Variants in COMMD1 observed in about 807,000 individuals in gnomAD.
COMMD1 encodes COMM domain-containing protein 1.
COMMD1 carries 10 observed loss-of-function variants against 17.2 expected under a neutral mutation model. The ratio of observed to expected loss-of-function variants is 0.58; its 90% CI spans 0.36 to 0.99. The LOEUF (loss-of-function observed/expected upper bound fraction) is 0.99. Ranked by LOEUF, COMMD1 falls within the 50% of genes least tolerant of loss-of-function variation. COMMD1 has a pLI of 0.01. For missense variants in COMMD1, 270 were observed against 231.8 expected, an observed-to-expected ratio of 1.17 and a Z score of -1.07; for synonymous variants, 97 against 91.6, an observed-to-expected ratio of 1.06 and a Z score of -0.34.
At chr2:61,896,835 T>TG (rs1669559648) in intron 1 of COMMD1, among the ~76,000 whole-genome samples, 1 of 150,460 alleles carries the variant, frequency 6.6e-6, no homozygotes, top group Admixed American at 6.6e-5. Context: ...TTTTTTTTTT[T>TG]GTTTTTTTTA....
chr2:61,966,379 G>A (rs142423592), intron 1 of COMMD1, among the ~76,000 whole-genome samples: 1,547 of 152,200 alleles, frequency 0.01, 66 homozygotes, highest in Admixed American at 0.07. Flanking sequence ...TTTTACTTAC[G>A]AAACCAAATA....
chr2:62,071,475 T>C (rs1359668552), intron 2 of COMMD1, among the ~76,000 whole-genome samples: 1 of 152,092 alleles, frequency 6.6e-6, no homozygotes, highest in Non-Finnish European at 1.5e-5. Flanking sequence ...TAACAATGCC[T>C]TAACTTCCTA....
At chr2:62,101,738 T>C (rs977852438) in intron 2 of COMMD1, among the ~76,000 whole-genome samples, 3 of 152,124 alleles carry the variant, frequency 2.0e-5, no homozygotes, top group African/African-American at 7.2e-5. Context: ...GAAGTAAAGT[T>C]CTTTACTTAC....
intron 1 of COMMD1, among the ~76,000 whole-genome samples, chr2:61,958,371 A>G (rs1671249836): frequency 6.6e-6 from 1 of 151,026 alleles, no homozygotes. Context: ...GGTTCAAGCT[A>G]TTCTCCTGCC....
chr2:61,934,187 A>G (rs1215669245), intron 1 of COMMD1, among the ~76,000 whole-genome samples: 1 of 152,140 alleles, frequency 6.6e-6, no homozygotes, highest in Non-Finnish European at 1.5e-5. Context: ...GGAATGTGAG[A>G]GGTAGTACAG....
chr2:62,038,993 T>A (rs1353387339), intron 2 of COMMD1, among the ~76,000 whole-genome samples: 2 of 152,260 alleles, frequency 1.3e-5, no homozygotes, highest in Non-Finnish European at 2.9e-5. Flanking sequence ...GATTTTCTTT[T>A]ACAGTTTCTA....
chr2:62,051,712 C>T (rs973803472), intron 2 of COMMD1, among the ~76,000 whole-genome samples: 4 of 152,148 alleles, frequency 2.6e-5, no homozygotes, highest in Admixed American at 6.6e-5. Flanking sequence ...ATATCATAAT[C>T]GGTTCCATTG....
At chr2:61,931,861 C>G (rs769634592) in intron 1 of COMMD1, among the ~76,000 whole-genome samples, 1 of 152,234 alleles carries the variant, frequency 6.6e-6, no homozygotes, top group South Asian at 2.1e-4. Flanking sequence ...TGTTAGTTTC[C>G]GTTAGGAAAG....
At chr2:62,044,065 C>T (rs974538272) in intron 2 of COMMD1, among the ~76,000 whole-genome samples, 3 of 152,088 alleles carry the variant, frequency 2.0e-5, no homozygotes, top group Non-Finnish European at 2.9e-5. Flanking sequence ...TTATACTTTG[C>T]TGTTTTCATG....
chr2:61,933,393 G>A (rs924939186), intron 1 of COMMD1, among the ~76,000 whole-genome samples: 2 of 151,904 alleles, frequency 1.3e-5, no homozygotes, highest in Admixed American at 6.6e-5. Context: ...GGTGTGGGGG[G>A]TAAGGACGTG....
At chr2:61,914,878 C>A (rs929926491) in intron 1 of COMMD1, among the ~76,000 whole-genome samples, 1 of 151,544 alleles carries the variant, frequency 6.6e-6, no homozygotes, top group African/African-American at 2.4e-5. Flanking sequence ...TTTGTTGAGA[C>A]AGGGTTTCAC....
At chr2:61,981,789 C>G (rs1671960844) in intron 1 of COMMD1, among the ~76,000 whole-genome samples, 1 of 152,042 alleles carries the variant, frequency 6.6e-6, no homozygotes. Flanking sequence ...AAGACTTGCC[C>G]CCATGATTCA....
intron 2 of COMMD1, among the ~76,000 whole-genome samples, chr2:62,008,079 G>C (rs1383251093): frequency 6.6e-6 from 1 of 152,176 alleles, no homozygotes; most frequent in African/African-American, 2.4e-5. Flanking sequence ...CTACTCGATA[G>C]AGTGAGGATC....
At chr2:61,937,402 C>T (rs1023648556) in intron 1 of COMMD1, among the ~76,000 whole-genome samples, 1 of 152,154 alleles carries the variant, frequency 6.6e-6, no homozygotes, top group African/African-American at 2.4e-5. Flanking sequence ...TTAATTTTGT[C>T]CCATAGTATT....
intron 1 of COMMD1, among the ~76,000 whole-genome samples, chr2:61,921,821 A>T (rs1407491848): frequency 6.6e-6 from 1 of 152,204 alleles, no homozygotes; most frequent in Non-Finnish European, 1.5e-5. Context: ...GCATGATTCA[A>T]CAAAAAACAA....
intron 1 of COMMD1, among the ~76,000 whole-genome samples, chr2:61,921,837 A>T (rs944097983): frequency 6.6e-6 from 1 of 152,204 alleles, no homozygotes; most frequent in African/African-American, 2.4e-5. Context: ...AACAACCTTG[A>T]TCTCTAAGAA....
chr2:61,888,597 T>G, upstream of COMMD1: 3 of 1,450,286 alleles, frequency 2.1e-6, no homozygotes, highest in Admixed American at 2.2e-5. Flanking sequence ...AAGCCCTCAC[T>G]GCCTTCACGA....
chr2:61,888,745 G>A lies in COMMD1; in HGVS notation n.22G>A, dbSNP rs80151277. On this transcript the variant is annotated non_coding_transcript_exon_variant, in exon 1 of 3. Coordinates refer to the COMMD1 transcript ENST00000472729. ...GGAGGATGCGTGCGGTGGGCTCCGGGCTGGCGAGATTGTACGCCCGGGGCG... is the reference window on the plus strand; with the variant it reads ...GGAGGATGCGTGCGGTGGGCTCCGGACTGGCGAGATTGTACGCCCGGGGCG... 4,721 of 542,190 alleles carry A rather than the reference G, an allele frequency of 8.7e-3. 34 individuals carry two copies. The highest frequency in any genetic ancestry group is 0.013 in the Non-Finnish European group (3,863 of 308,326). The allele number at this position is 542,190 out of a possible 1,614,324, so 33.6% of individuals were successfully genotyped here.
chr2:61,968,207 A>G lies in COMMD1; in HGVS notation c.181-32494A>G, dbSNP rs560497661. 7.9e-5 allele frequency among the ~76,000 whole-genome samples: 12 copies of G among 152,262 alleles called. No homozygotes were observed. In the South Asian group the frequency reaches 2.3e-3, roughly 29 times the overall value. ...AGCCGCTTGGTGCCAAACATAGTCT[A>G]TAGGGGAAAATAAAATTTAAGAGAT... On this transcript the variant is annotated intron_variant, in intron 1 of 2. Coordinates refer to ENST00000311832, the MANE Select transcript of COMMD1 (RefSeq NM_152516.4).
Sources: gnomAD v4.1 joint callset for allele counts (sites outside exome capture counted in the v4.1 genomes callset) on GRCh38, gnomAD v4.1.1 for gene constraint, MANE v1.5 for transcripts, NCBI Gene and HGNC (gene_info 2026-07-23, HGNC 2026-07-21) for gene names.